TCF4: variants seen among roughly 807,000 people sequenced by gnomAD.
The protein encoded by TCF4 is transcription factor 4.
In TCF4, 3 loss-of-function variants were observed where a neutral mutation model predicts 82.1. The ratio of observed to expected loss-of-function variants is 0.04; its 90% confidence interval spans 0.02 to 0.09. The LOEUF (loss-of-function observed/expected upper bound fraction) is 0.09, where lower values mean the gene tolerates loss of function less well. TCF4 is among the 10% of genes least tolerant of loss of function. The pLI, the probability that TCF4 is intolerant of heterozygous loss-of-function variation, is 1.00. For synonymous variants in TCF4, 276 were observed against 309.6 expected (o/e 0.89, Z 1.14); for missense variants, 518 against 852.7 (o/e 0.61, Z 4.89).
intron 15 of TCF4, among the ~76,000 whole-genome samples, chr18:55,251,620 T>G (rs1336768492): frequency 6.6e-6 from 1 of 152,158 alleles, no homozygotes; most frequent in African/African-American, 2.4e-5. Context: ...AGCTGTCTAC[T>G]CTTTAATCAG....
chr18:55,437,366 A>G (rs2095351145), intron 5 of TCF4, among the ~76,000 whole-genome samples: 1 of 152,228 alleles, frequency 6.6e-6, no homozygotes, highest in Non-Finnish European at 1.5e-5. Flanking sequence ...AATTTGATGA[A>G]CAATTAAAAT....
Position 55,377,659 on chromosome 18 carries a change from A to AT in TCF4, c.369+25794dup, listed in dbSNP as rs1394383788. On this transcript the variant is annotated intron_variant, in intron 6 of 19. Coordinates refer to ENST00000354452, the MANE Select transcript of TCF4 (RefSeq NM_001083962.2). ...TTCAAAAAGGACTTTAAACCCCATC[A>AT]TGTTACCACTGTCCAGGGACCCAGT... is the stretch of plus-strand genomic sequence containing the variant. 3.9e-5 allele frequency among the ~76,000 whole-genome samples: 6 copies of AT among 152,244 alleles called. 1 individual carries two copies. In the South Asian group the frequency reaches 1.0e-3, roughly 26 times the overall value.
intron 5 of TCF4, among the ~76,000 whole-genome samples, chr18:55,426,856 A>G (rs1158659820): frequency 6.6e-6 from 1 of 152,190 alleles, no homozygotes; most frequent in Non-Finnish European, 1.5e-5. Context: ...ACACAGACAC[A>G]CAAAGACACA....
intron 3 of TCF4, among the ~76,000 whole-genome samples, chr18:55,469,220 T>C (rs902289437): frequency 6.6e-6 from 1 of 152,108 alleles, no homozygotes; most frequent in African/African-American, 2.4e-5. Context: ...TCCCAGCACT[T>C]TGAGATGCCG....
chr18:55,275,322 C>G lies in TCF4; in HGVS notation c.789+297G>C, dbSNP rs1277892598. On this transcript the variant is annotated intron_variant, in intron 10 of 19. Coordinates refer to ENST00000354452, the MANE Select transcript of TCF4 (RefSeq NM_001083962.2). ...AACCAGGAACCACCATGTTAAGATT[C>G]TACAACTTAAATAGGTATCTATTTA... Among the ~76,000 whole-genome samples the G allele has an allele frequency of 3.5e-5, 5 of 143,012 alleles. No individual in the cohort carries two copies. In the East Asian group the frequency reaches 1.0e-3, roughly 29 times the overall value. 93.8% of individuals were successfully genotyped at this position (143,012 alleles called of 152,430 possible).
intron 2 of TCF4, among the ~76,000 whole-genome samples, chr18:55,620,712 G>A (rs2097716961): frequency 6.6e-6 from 1 of 151,910 alleles, no homozygotes; most frequent in African/African-American, 2.4e-5. Context: ...GACTCCCCTT[G>A]CTTGTTTCTT....
chr18:55,375,709 G>C (rs138131940), intron 6 of TCF4, among the ~76,000 whole-genome samples: 10 of 152,158 alleles, frequency 6.6e-5, no homozygotes, highest in African/African-American at 1.4e-4. Context: ...CAATAAAAAA[G>C]ACAACTTTCC....
intron 6 of TCF4, among the ~76,000 whole-genome samples, chr18:55,386,232 T>C (rs2092594209): frequency 6.6e-6 from 1 of 152,164 alleles, no homozygotes; most frequent in Non-Finnish European, 1.5e-5. Flanking sequence ...GCTGAGTTCA[T>C]TAGGGTTTGG....
At chr18:55,414,766 A>AT (rs2094469526) in intron 5 of TCF4, among the ~76,000 whole-genome samples, 1 of 152,154 alleles carries the variant, frequency 6.6e-6, no homozygotes, top group African/African-American at 2.4e-5. Context: ...ACCATCAGTG[A>AT]TTTGTTCCTT....
chr18:55,331,623 G>C (rs2077581610), intron 8 of TCF4, among the ~76,000 whole-genome samples: 1 of 152,158 alleles, frequency 6.6e-6, no homozygotes, highest in Admixed American at 6.5e-5. Context: ...ACTTCCATTT[G>C]AGAATAAGTC....
At chr18:55,296,053 G>A (rs1183803214) in intron 8 of TCF4, among the ~76,000 whole-genome samples, 1 of 151,248 alleles carries the variant, frequency 6.6e-6, no homozygotes, top group Non-Finnish European at 1.5e-5. Flanking sequence ...ACTTTATTCT[G>A]TCAAACTTCT....
chr18:55,310,250 T>C (rs1239030188), intron 8 of TCF4, among the ~76,000 whole-genome samples: 4 of 152,202 alleles, frequency 2.6e-5, no homozygotes, highest in African/African-American at 9.7e-5. Context: ...GAATTGAAAT[T>C]CCATTAGCTA....
At chr18:55,315,766 A>G (rs2073967177) in intron 8 of TCF4, among the ~76,000 whole-genome samples, 2 of 152,176 alleles carry the variant, frequency 1.3e-5, no homozygotes, top group Non-Finnish European at 2.9e-5. Context: ...AATTCCAAGT[A>G]TAACTTTCAG....
chr18:55,446,644 T>C (rs2095530398), intron 5 of TCF4, among the ~76,000 whole-genome samples: 1 of 152,130 alleles, frequency 6.6e-6, no homozygotes, highest in African/African-American at 2.4e-5. Context: ...AGCAGGATAA[T>C]ATGTGTAAAG....
chr18:55,319,215 A>C (rs1602483397), intron 8 of TCF4, among the ~76,000 whole-genome samples: 1 of 152,330 alleles, frequency 6.6e-6, no homozygotes, highest in Middle Eastern at 3.4e-3. Flanking sequence ...AAGAAATGTA[A>C]AGTCTCTTCG....
intron 3 of TCF4, among the ~76,000 whole-genome samples, chr18:55,511,331 T>TAAAAAAAAAA (rs59685050): frequency 7.6e-6 from 1 of 131,384 alleles, no homozygotes; most frequent in Non-Finnish European, 1.6e-5. Context: ...TCCAAAAGTT[T>TAAAAAAAAAA]AAAAAAAAAA....
At chr18:55,265,710 C>G (rs1008963183) in intron 11 of TCF4, 2 of 152,056 alleles carry the variant, frequency 1.3e-5, no homozygotes, top group African/African-American at 4.8e-5. Context: ...TACTGTGAAA[C>G]CAAGTCCTCA....
chr18:55,550,100 T>C (rs1603621785), intron 3 of TCF4, among the ~76,000 whole-genome samples: 1 of 152,220 alleles, frequency 6.6e-6, no homozygotes, highest in Non-Finnish European at 1.5e-5. Flanking sequence ...ATCCAAGTTA[T>C]ATATCTCGTG....
At position 55,509,742 on chromosome 18, in the gene TCF4, T is replaced by A. The variant is rs562272863; in HGVS notation, c.146-45605A>T. ...TGAGAAGCACCTTTAGACCCTCAAA[T>A]CTGCCTCCCAGAGGAATTCCATCAA... On this transcript the variant is annotated intron_variant, in intron 3 of 19. Transcript: ENST00000354452. Among the ~76,000 whole-genome samples the A allele has an allele frequency of 9.9e-5, 15 of 152,202 alleles. No individual in the cohort carries two copies. In the East Asian group the frequency reaches 2.7e-3, roughly 27 times the overall value.
Sources: allele counts gnomAD v4.1 joint callset (sites outside exome capture counted in the v4.1 genomes callset), GRCh38; gene constraint gnomAD v4.1.1; transcripts MANE v1.5; gene names NCBI Gene and HGNC (gene_info 2026-07-23, HGNC 2026-07-21).